Variants in BMX observed in about 807,000 individuals in gnomAD.
BMX encodes the protein BMX non-receptor tyrosine kinase, also known as cytoplasmic tyrosine-protein kinase BMX.
A neutral mutation model predicts 59.2 loss-of-function variants in BMX; 31 were observed. The ratio of observed to expected loss-of-function variants is 0.52; its 90% CI spans 0.39 to 0.71. BMX has a LOEUF of 0.71. Among genes scored for constraint, BMX ranks in the 30% least tolerant of loss-of-function variants. The pLI is 0.00. For synonymous variants in BMX, 185 were observed against 181.0 expected, an observed-to-expected ratio of 1.02 and a Z score of -0.18; for missense variants, 474 against 491.7, an observed-to-expected ratio of 0.96 and a Z score of 0.34.
chrX:15,521,427 T>G (rs1924448570), intron 6 of BMX, among the ~76,000 whole-genome samples: 1 of 112,275 alleles, frequency 8.9e-6, no homozygotes, highest in Non-Finnish European at 1.9e-5. Flanking sequence ...ATACAACTGT[T>G]TTGGTTTCTT....
At chrX:15,509,498 C>A in intron 3 of BMX, 65 bp downstream of exon 3, 1 of 695,131 alleles carries the variant, frequency 1.4e-6, no homozygotes, top group South Asian at 3.2e-5. Flanking sequence ...ATCGTGAACT[C>A]AATATATCTA....
chrX:15,533,174 C>T (rs1925163241), intron 11 of BMX, among the ~76,000 whole-genome samples: 1 of 112,271 alleles, frequency 8.9e-6, no homozygotes, highest in African/African-American at 3.2e-5. Flanking sequence ...GTTGATGTTA[C>T]AGCAACAATT....
intron 11 of BMX, 38 bp downstream of exon 11, chrX:15,531,445 C>G: frequency 9.4e-7 from 1 of 1,060,626 alleles, no homozygotes; most frequent in Non-Finnish European, 1.3e-6. Flanking sequence ...TCTCTTTCTG[C>G]GTATATTCTT....
At chrX:15,501,826 A>T (rs1156379130) in intron 1 of BMX, among the ~76,000 whole-genome samples, 1 of 111,637 alleles carries the variant, frequency 9.0e-6, no homozygotes, top group African/African-American at 3.3e-5. Context: ...CTCAGGATGG[A>T]AAGTCTGCGA....
At chrX:15,527,247 A>AATAT (rs34046926) in intron 9 of BMX, among the ~76,000 whole-genome samples, 82 of 56,288 alleles carry the variant, frequency 1.5e-3, no homozygotes, top group African/African-American at 1.8e-3. Context: ...CACACACACA[A>AATAT]ATATATATAT....
intron 13 of BMX, 136 bp from the exon 14 acceptor site, chrX:15,536,998 A>C: frequency 1.4e-6 from 1 of 691,779 alleles, no homozygotes; most frequent in South Asian, 2.7e-5. Flanking sequence ...TTTTTTTTTA[A>C]CTTATCAACT....
At position 15,516,122 on chromosome X, in the gene BMX, T is replaced by C. The variant is rs139766625; in HGVS notation, c.336T>C (p.Gly112=). ...CTGTCTGCTCCTCAGAGATAAGGGG[T>C]AACCCCCACCTGCTGGTCAAGTACC... ...WLKALQKEIR[G]NPHLLVKYHS... The change falls in exon 5 of 19, where the codon GGT becomes GGC. Residue 112 remains glycine, a synonymous_variant. Coordinates refer to ENST00000348343, the MANE Select transcript of BMX (RefSeq NM_203281.3). 5.5e-5 allele frequency: 67 copies of C among 1,209,451 alleles called. No homozygotes were observed. The African/African-American group carries it at 1.1e-3, about 19-fold the overall frequency.
chrX:15,505,856 A>C (rs749174210), intron 1 of BMX, among the ~76,000 whole-genome samples: 30 of 111,543 alleles, frequency 2.7e-4, no homozygotes, highest in African/African-American at 9.1e-4. Flanking sequence ...TTTTTATATA[A>C]AATTCCAAAA....
intron 15 of BMX, 148 bp from the exon 16 acceptor site, chrX:15,542,923 T>A: frequency 2.1e-6 from 1 of 482,428 alleles, no homozygotes; most frequent in Non-Finnish European, 3.5e-6. Context: ...AATTGAAAAT[T>A]GCAAAGGAAA....
intron 9 of BMX, among the ~76,000 whole-genome samples, chrX:15,527,866 T>C (rs1924871696): frequency 1.8e-5 from 2 of 111,957 alleles, no homozygotes; most frequent in South Asian, 7.4e-4. Context: ...CAGGAAAGCA[T>C]TGATGGAATA....
At chrX:15,502,330 C>T (rs1270994096) in intron 1 of BMX, among the ~76,000 whole-genome samples, 1 of 111,595 alleles carries the variant, frequency 9.0e-6, no homozygotes, top group Non-Finnish European at 1.9e-5. Context: ...TGCTTTTCTC[C>T]TAAGGAAGTT....
At position 15,522,359 on chromosome X, in the gene BMX, G is replaced by C; in HGVS notation, c.524G>C (p.Arg175Pro). ...TFPDRVLKIPRAVPVLKMDAP... is the reference protein window; with the variant it reads ...TFPDRVLKIPPAVPVLKMDAP... ...TCCCCTCCAAAGCTGAAGATACCTC[G>C]GGCAGTTCCTGTTCTCAAAATGGAT... Residue 175 changes from arginine to proline, a missense_variant, in exon 7 of 19, where the codon CGG becomes CCG. Arg to Pro is a moderately radical substitution (Grantham distance 103). Coordinates refer to ENST00000348343, the MANE Select transcript of BMX (RefSeq NM_203281.3). 1 of 1,211,038 alleles carries C rather than the reference G, an allele frequency of 8.3e-7. No individual in the cohort carries two copies.
chrX:15,511,565 A>G lies in BMX; in HGVS notation c.325+47A>G, dbSNP rs773110270. ...TGAAAGAGAAAGGTCAAAAAAAGCC[A>G]TAAAAGAGAGTCGTTTTTTGAGGCT... On this transcript the variant is annotated intron_variant, in intron 4 of 18. Coordinates refer to ENST00000348343, the MANE Select transcript of BMX (RefSeq NM_203281.3). 1.6e-5 allele frequency: 17 copies of G among 1,089,932 alleles called. No homozygotes were observed. In the Admixed American group the frequency reaches 4.1e-4, roughly 26 times the overall value. The allele number at this position is 1,089,932 out of a possible 1,213,427, so 89.8% of individuals were successfully genotyped here. A position where few individuals can be genotyped will look rare whatever the true frequency, so the allele number is the denominator to read the frequency against.
chrX:15,502,101 C>T (rs775928477), intron 1 of BMX, among the ~76,000 whole-genome samples: 5 of 111,677 alleles, frequency 4.5e-5, no homozygotes, highest in Non-Finnish European at 9.4e-5. Context: ...GCCATTTTCT[C>T]TTGACTACTT....
At chrX:15,543,206 A>T in intron 16 of BMX, 71 bp downstream of exon 16, 1 of 1,047,755 alleles carries the variant, frequency 9.5e-7, no homozygotes, top group Non-Finnish European at 1.3e-6. Flanking sequence ...ATCATAATTG[A>T]AGGCTTTGTG....
intron 1 of BMX, 54 bp downstream of exon 1, chrX:15,500,994 G>A: frequency 6.7e-6 from 5 of 749,410 alleles, no homozygotes; most frequent in Non-Finnish European, 7.9e-6. Flanking sequence ...CGGAAAATAG[G>A]TTTGGTTCCC....
rs780908618 is a variant in BMX, at chrX:15,540,720, A to C, written c.1395-1262A>C. 7.1e-5 allele frequency among the ~76,000 whole-genome samples: 8 copies of C among 111,923 alleles called. No individual in the cohort carries two copies. The South Asian group carries it at 3.0e-3, about 41-fold the overall frequency. On this transcript the variant is annotated intron_variant, in intron 14 of 18. Transcript: ENST00000348343. Reference sequence around the variant, plus strand: ...AAAGACTAATCTCCCCAAAAAGGCTAATACCTCCAAACTCATTAACAACTA... The same window carrying C: ...AAAGACTAATCTCCCCAAAAAGGCTCATACCTCCAAACTCATTAACAACTA...
At chrX:15,517,817 A>C (rs1275012441) in intron 5 of BMX, 112 bp from the exon 6 acceptor site, 10 of 631,859 alleles carry the variant, frequency 1.6e-5, no homozygotes, top group Non-Finnish European at 2.5e-5. Flanking sequence ...GGATTCACTT[A>C]ATCTGGAGTA....
chrX:15,516,288 T>C (rs182780295), intron 5 of BMX, 57 bp downstream of exon 5: 2 of 1,168,011 alleles, frequency 1.7e-6, no homozygotes, highest in East Asian at 3.0e-5. Context: ...TCCATTAGGC[T>C]AAACCTGCCA....
Sources: allele counts gnomAD v4.1 joint callset (sites outside exome capture counted in the v4.1 genomes callset), GRCh38; gene constraint gnomAD v4.1.1; transcripts MANE v1.5; gene names NCBI Gene and HGNC (gene_info 2026-07-23, HGNC 2026-07-21).